Variants in SORCS1 observed in about 807,000 individuals in gnomAD.
The protein encoded by SORCS1 is VPS10 domain-containing receptor SorCS1.
Under a neutral mutation model 146.1 loss-of-function variants are expected in SORCS1, and 60 were observed. The observed-to-expected ratio is 0.41, with a 90% CI of 0.33 to 0.51. SORCS1 has a LOEUF of 0.51. Ranked by LOEUF, SORCS1 falls within the 20% of genes least tolerant of loss-of-function variation. The pLI is 0.21. For missense variants in SORCS1, 1,352 were observed against 1,487.6 expected (o/e 0.91, Z 1.50); for synonymous variants, 637 against 584.0 (o/e 1.09, Z -1.31).
intron 18 of SORCS1, among the ~76,000 whole-genome samples, chr10:106,645,751 TAAC>T (rs1048706114): frequency 7.2e-5 from 11 of 152,162 alleles, no homozygotes; most frequent in South Asian, 2.1e-4. Context: ...ATAAAAAACA[TAAC>T]AAAATAATTT....
chr10:106,776,524 G>A lies in SORCS1; in HGVS notation c.885+10C>T, dbSNP rs759351640. 1.2e-6 allele frequency: 2 copies of A among 1,613,704 alleles called. No homozygotes were observed. Among genetic ancestry groups the A allele is most frequent in the African/African-American group, 1.3e-5 (1 of 75,026 alleles). ...TGCTTCATTGTCTCAAACAAGGTAA[G>A]TATGCTCACCTTTTGGTCTTGACTG... On this transcript the variant is annotated intron_variant, in intron 4 of 25. Coordinates refer to ENST00000263054, the MANE Select transcript of SORCS1 (RefSeq NM_052918.5).
chr10:107,054,518 C>G (rs1435844411), intron 1 of SORCS1, among the ~76,000 whole-genome samples: 1 of 151,980 alleles, frequency 6.6e-6, no homozygotes, highest in Admixed American at 6.6e-5. Context: ...GTTTGGTGGA[C>G]AGAAAGAAGG....
Position 106,671,110 on chromosome 10 carries a change from T to C in SORCS1, c.2189+127A>G, listed in dbSNP as rs1432518272. 4 of 1,291,898 alleles carry C rather than the reference T, an allele frequency of 3.1e-6. No homozygotes were observed. The African/African-American group carries it at 6.0e-5, about 19-fold the overall frequency. 80.0% of individuals were successfully genotyped at this position (1,291,898 alleles called of 1,614,324 possible). ...ATAGCTAGTAAACTATGAGGTAATT[T>C]TATAAGAATATGAAGCTGGCCACTT... On this transcript the variant is annotated intron_variant, in intron 16 of 25. Transcript: ENST00000263054.
At chr10:106,832,496 C>T (rs2137036229) in intron 2 of SORCS1, among the ~76,000 whole-genome samples, 1 of 152,162 alleles carries the variant, frequency 6.6e-6, no homozygotes, top group Admixed American at 6.5e-5. Flanking sequence ...GCCCCTAGTC[C>T]ACTCTTGGTG....
At chr10:106,697,463 AT>A (rs760900413) in intron 9 of SORCS1, among the ~76,000 whole-genome samples, 6 of 151,722 alleles carry the variant, frequency 4.0e-5, no homozygotes, top group East Asian at 1.9e-4. Context: ...CTCAAAATAA[AT>A]AAATAAATAA....
intron 17 of SORCS1, among the ~76,000 whole-genome samples, chr10:106,653,177 G>GTT (rs945975128): frequency 4.6e-5 from 7 of 152,080 alleles, no homozygotes; most frequent in African/African-American, 1.7e-4. Context: ...CTTATTTCTT[G>GTT]TTTTAGCTTT....
chr10:107,108,316 C>A (rs1181470991), intron 1 of SORCS1, among the ~76,000 whole-genome samples: 1 of 152,148 alleles, frequency 6.6e-6, no homozygotes, highest in East Asian at 1.9e-4. Flanking sequence ...GCTCACTGTG[C>A]TGCAGGCTTT....
intron 9 of SORCS1, among the ~76,000 whole-genome samples, chr10:106,696,764 C>T (rs821955): frequency 0.92 from 140,421 of 152,284 alleles, 65,014 homozygotes; most frequent in Middle Eastern, 0.98. Context: ...TAGCTGCAAA[C>T]AACAAGACAT....
intron 24 of SORCS1, among the ~76,000 whole-genome samples, chr10:106,581,318 TACATACAC>T (rs1844892818): frequency 8.0e-6 from 1 of 125,662 alleles, no homozygotes; most frequent in Non-Finnish European, 1.6e-5. Flanking sequence ...TGAATCGTCA[TACATACAC>T]ACACACACAC....
At chr10:106,973,817 A>AAC (rs1955888923) in intron 1 of SORCS1, among the ~76,000 whole-genome samples, 1 of 152,222 alleles carries the variant, frequency 6.6e-6, no homozygotes, top group African/African-American at 2.4e-5. Flanking sequence ...ACGTTGTTTT[A>AAC]AACAAATCAC....
chr10:106,914,880 A>G (rs1327287263), intron 2 of SORCS1, among the ~76,000 whole-genome samples: 2 of 152,112 alleles, frequency 1.3e-5, no homozygotes, highest in African/African-American at 4.8e-5. Flanking sequence ...CACATGCTCA[A>G]CATTGATCTT....
At chr10:106,696,744 G>C (rs1207375152) in intron 9 of SORCS1, among the ~76,000 whole-genome samples, 1 of 152,172 alleles carries the variant, frequency 6.6e-6, no homozygotes, top group African/African-American at 2.4e-5. Flanking sequence ...CAGAAAACTA[G>C]TCATGAAAAT....
In SORCS1 at chr10:106,689,247, A is replaced by AT. The variant is rs561299107; in HGVS notation, c.1414-910dup. On this transcript the variant is annotated intron_variant, in intron 9 of 25. Coordinates refer to ENST00000263054, the MANE Select transcript of SORCS1 (RefSeq NM_052918.5). ...ACAAAAGCAAATAATTGTGCATTAC[A>AT]TTTTTCTTGTGTTTTGGAGTTTATC... 3.9e-3 allele frequency among the ~76,000 whole-genome samples: 588 copies of AT among 152,242 alleles called. 5 individuals are homozygous for AT. Among genetic ancestry groups the AT allele is most frequent in the African/African-American group, 0.013 (557 of 41,540 alleles).
At chr10:107,172,345 A>G in the SORCS1 span, among the ~76,000 whole-genome samples, 2 of 152,128 alleles carry the variant, frequency 1.3e-5, no homozygotes, top group East Asian at 3.8e-4. Flanking sequence ...CATCCACTAG[A>G]TCTTGGCATG....
chr10:106,910,332 T>TATAG (rs144106953), intron 2 of SORCS1, among the ~76,000 whole-genome samples: 4 of 150,818 alleles, frequency 2.7e-5, no homozygotes, highest in African/African-American at 9.8e-5. Flanking sequence ...TATATATATA[T>TATAG]AGAGAGTGAG....
At chr10:107,051,589 T>C (rs887940959) in intron 1 of SORCS1, among the ~76,000 whole-genome samples, 2 of 152,134 alleles carry the variant, frequency 1.3e-5, no homozygotes, top group African/African-American at 4.8e-5. Context: ...GGTTCATGGA[T>C]CTTTTGAAGC....
chr10:106,590,646 GCT>G (rs1030489784), intron 24 of SORCS1, among the ~76,000 whole-genome samples: 1 of 152,014 alleles, frequency 6.6e-6, no homozygotes, highest in African/African-American at 2.4e-5. Flanking sequence ...TGACATCATA[GCT>G]GTTTTATGTT....
intron 1 of SORCS1, among the ~76,000 whole-genome samples, chr10:107,039,343 A>T (rs1370982866): frequency 6.6e-6 from 1 of 151,524 alleles, no homozygotes; most frequent in Non-Finnish European, 1.5e-5. Flanking sequence ...AAAAAAAAAA[A>T]AAAAAAAGGA....
At chr10:107,029,687 T>C (rs914229971) in intron 1 of SORCS1, among the ~76,000 whole-genome samples, 1 of 152,198 alleles carries the variant, frequency 6.6e-6, no homozygotes, top group African/African-American at 2.4e-5. Context: ...AATTAGGCCA[T>C]TGATACTTTA....
Sources: allele counts gnomAD v4.1 joint callset (sites outside exome capture counted in the v4.1 genomes callset), GRCh38; gene constraint gnomAD v4.1.1; transcripts MANE v1.5; gene names NCBI Gene and HGNC (gene_info 2026-07-23, HGNC 2026-07-21).